Variants in EXOC3 observed in about 807,000 individuals in gnomAD.
The protein encoded by EXOC3 is SEC6-like 1.
A neutral mutation model predicts 73.7 loss-of-function variants in EXOC3; 21 were observed. That is an observed-to-expected ratio of 0.29 (90% confidence interval 0.20 to 0.41). The LOEUF (loss-of-function observed/expected upper bound fraction) is 0.41, where lower values mean the gene tolerates loss of function less well. Ranked by LOEUF, EXOC3 falls within the 10% of genes least tolerant of loss-of-function variation. The pLI, the probability that EXOC3 is intolerant of heterozygous loss-of-function variation, is 1.00. For synonymous variants in EXOC3, 410 were observed against 389.1 expected, an observed-to-expected ratio of 1.05 and a Z score of -0.63; for missense variants, 842 against 985.1, an observed-to-expected ratio of 0.85 and a Z score of 1.95.
intron 3 of EXOC3, among the ~76,000 whole-genome samples, chr5:452,651 C>T (rs937511798): frequency 6.6e-6 from 1 of 152,188 alleles, no homozygotes; most frequent in African/African-American, 2.4e-5. Context: ...AATCAGATCC[C>T]CTTCCCAGGT....
chr5:446,702 C>A (rs1435470452), intron 2 of EXOC3, among the ~76,000 whole-genome samples: 1 of 152,006 alleles, frequency 6.6e-6, no homozygotes, highest in Non-Finnish European at 1.5e-5. Context: ...TATGAAAATA[C>A]AAAAATTAGC....
At chr5:452,455 C>G (rs56073043) in intron 3 of EXOC3, among the ~76,000 whole-genome samples, 61,220 of 151,696 alleles carry the variant, frequency 0.4, 12,427 homozygotes, top group Middle Eastern at 0.51. Flanking sequence ...TCTTTAAGTT[C>G]CTTAGGCATC....
At position 467,088 on chromosome 5, in the gene EXOC3, G is replaced by A; in HGVS notation, c.*190G>A. Reference sequence around the variant, plus strand: ...AGGCCACGTGCGGAGGCCCCTCACTGTGCTGTCAAAGGCCTGTGGGTGCAG... The same window carrying A: ...AGGCCACGTGCGGAGGCCCCTCACTATGCTGTCAAAGGCCTGTGGGTGCAG... On this transcript the variant is annotated 3_prime_UTR_variant, in exon 13 of 13. Coordinates refer to ENST00000512944, the MANE Select transcript of EXOC3 (RefSeq NM_007277.5). The A allele has an allele frequency of 9.8e-6, 6 of 611,828 alleles. No homozygotes were observed. Among genetic ancestry groups the A allele is most frequent in the South Asian group, 6.1e-5 (3 of 49,364 alleles). The allele number at this position is 611,828 out of a possible 1,614,324, so 37.9% of individuals were successfully genotyped here. A position where few individuals can be genotyped will look rare whatever the true frequency, so the allele number is the denominator to read the frequency against.
chr5:456,759 G>A, intron 4 of EXOC3, 130 bp from the exon 5 acceptor site: 1 of 727,730 alleles, frequency 1.4e-6, no homozygotes, highest in Non-Finnish European at 2.4e-6. Context: ...CTGAGCTGTG[G>A]GCCGGCTGTG....
In EXOC3 at chr5:447,622, G is replaced by A. The variant is rs180921423; in HGVS notation, c.234G>A (p.Ser78=). 1,159 of 1,584,356 alleles carry A rather than the reference G, an allele frequency of 7.3e-4. 43 individuals are homozygous for A. In the East Asian group the frequency reaches 1.0e-2, roughly 14 times the overall value. Residue 78 remains serine, a synonymous_variant, in exon 3 of 13, where the codon TCG becomes TCA. Transcript: ENST00000512944. ...ATGACGTCAAAGACATCCAGCAGTC[G>A]CTGGCAGACGTCAGCAAGGACTGGA... is the stretch of plus-strand genomic sequence containing the variant. ...ALNDVKDIQQ[S]LADVSKDWRQ... is the part of the protein sequence containing the mutation.
At chr5:448,985 G>T (rs530165518) in intron 3 of EXOC3, among the ~76,000 whole-genome samples, 1 of 152,344 alleles carries the variant, frequency 6.6e-6, no homozygotes, top group Non-Finnish European at 1.5e-5. Flanking sequence ...AGTCTCCTTG[G>T]TGATGCTCAG....
intron 3 of EXOC3, among the ~76,000 whole-genome samples, chr5:452,379 T>C (rs1737682435): frequency 6.6e-6 from 1 of 152,252 alleles, no homozygotes; most frequent in Non-Finnish European, 1.5e-5. Flanking sequence ...TTCTGTTTGG[T>C]TTCCTTTTGG....
At chr5:465,403 G>A in intron 11 of EXOC3, 131 bp downstream of exon 11, 1 of 1,079,556 alleles carries the variant, frequency 9.3e-7, no homozygotes, top group African/African-American at 1.6e-5. Context: ...CCTGGGTCCA[G>A]GTCCTGCCTG....
intron 10 of EXOC3, 189 bp from the exon 11 acceptor site, chr5:464,922 C>T (rs1185575973): frequency 1.6e-6 from 1 of 642,542 alleles, no homozygotes; most frequent in Non-Finnish European, 2.6e-6. Context: ...GGGTCCAGGT[C>T]ACCGTCACTG....
chr5:448,775 T>C (rs924466208), intron 3 of EXOC3, among the ~76,000 whole-genome samples: 64 of 152,242 alleles, frequency 4.2e-4, no homozygotes, highest in Admixed American at 4.2e-3. Context: ...TGCTTGCGGC[T>C]GCAGCATTGC....
At position 456,930 on chromosome 5, in the gene EXOC3, A is replaced by T. The variant is rs1245550944; in HGVS notation, c.1088A>T (p.Asp363Val). ...AACGTGGAGCTGGCCCCGGAAGTGG[A>T]TGTCGGCACCCTGGAGCCATTGCTT... ...MRNVELAPEV[D>V]VGTLEPLLSP... Residue 363 changes from aspartate (D) to valine (V), a missense_variant, in exon 5 of 13, where the codon GAT becomes GTT. Coordinates refer to ENST00000512944, the MANE Select transcript of EXOC3 (RefSeq NM_007277.5). The T allele has an allele frequency of 6.2e-7, 1 of 1,614,018 alleles. No homozygotes were observed. Among genetic ancestry groups the T allele is most frequent in the Admixed American group, 1.7e-5 (1 of 60,034 alleles).
rs754663864 is a variant in EXOC3 at position 462,311 on chromosome 5, G to A, written c.1653+4G>A. ...GGAGGTCTTCCTGGACCTGGAGGTG[G>A]GCCTGGCTCTTTCCTCCTGCCGTTT... On this transcript the variant is annotated splice_donor_region_variant and intron_variant, in intron 9 of 12. Coordinates refer to ENST00000512944, the MANE Select transcript of EXOC3 (RefSeq NM_007277.5). 2 of 1,613,862 alleles carry A rather than the reference G, an allele frequency of 1.2e-6. No individual in the cohort carries two copies. Among genetic ancestry groups the A allele is most frequent in the South Asian group, 2.2e-5 (2 of 91,090 alleles).
At chr5:451,684 A>G (rs535415241) in intron 3 of EXOC3, among the ~76,000 whole-genome samples, 2 of 152,274 alleles carry the variant, frequency 1.3e-5, no homozygotes, top group South Asian at 4.1e-4. Context: ...GTTGCTCTCT[A>G]GCATTCTTTC....
chr5:454,903 T>C (rs543647629), intron 4 of EXOC3, among the ~76,000 whole-genome samples: 2 of 148,862 alleles, frequency 1.3e-5, no homozygotes, highest in East Asian at 3.9e-4. Context: ...GTAAGGCATA[T>C]TTTTTTGTGT....
intron 6 of EXOC3, 133 bp from the exon 7 acceptor site, chr5:459,226 A>T: frequency 2.8e-6 from 1 of 363,108 alleles, no homozygotes; most frequent in Non-Finnish European, 4.9e-6. Flanking sequence ...ACGTGGTTTC[A>T]TTTTTTTTTT....
chr5:465,957 C>A, intron 12 of EXOC3, 112 bp downstream of exon 12: 1 of 1,280,058 alleles, frequency 7.8e-7, no homozygotes, highest in Non-Finnish European at 1.1e-6. Context: ...AGCCCTGCAG[C>A]ACGGCAAGGG....
chr5:461,342 C>T (rs540020382), intron 7 of EXOC3, among the ~76,000 whole-genome samples: 325 of 152,258 alleles, frequency 2.1e-3, no homozygotes, highest in Middle Eastern at 3.4e-3. Flanking sequence ...CGGTCAGGCA[C>T]GGTGGCTTAC....
chr5:459,485 T>C, intron 7 of EXOC3, 26 bp downstream of exon 7: 1 of 1,221,580 alleles, frequency 8.2e-7, no homozygotes, highest in Non-Finnish European at 1.2e-6. Flanking sequence ...AGTGTGCTAA[T>C]GTACACATTG....
At chr5:451,764 T>C (rs1737665438) in intron 3 of EXOC3, among the ~76,000 whole-genome samples, 4 of 152,378 alleles carry the variant, frequency 2.6e-5, no homozygotes, top group Admixed American at 2.6e-4. Context: ...GCTTTTCAGC[T>C]TTTGTTTATC....
Sources: gnomAD v4.1 joint callset for allele counts (sites outside exome capture counted in the v4.1 genomes callset) on GRCh38, gnomAD v4.1.1 for gene constraint, MANE v1.5 for transcripts, NCBI Gene and HGNC (gene_info 2026-07-23, HGNC 2026-07-21) for gene names.